The following FCRL2 variants were observed in gnomAD, a reference collection of about 807,000 sequenced individuals.
The protein encoded by FCRL2 is Fc receptor-like protein 2.
In FCRL2, 48 loss-of-function variants were observed where a neutral mutation model predicts 59.8. The observed-to-expected ratio is 0.80, with a 90% CI of 0.64 to 1.02. FCRL2 has a LOEUF of 1.02. FCRL2 is among the 50% of genes least tolerant of loss of function. The probability of loss-of-function intolerance (pLI) is 0.00; values close to 1 mark genes in which losing one functional copy is unlikely to be tolerated. For synonymous variants in FCRL2, 251 were observed against 229.5 expected, an observed-to-expected ratio of 1.09 and a Z score of -0.85; for missense variants, 658 against 597.3, an observed-to-expected ratio of 1.10 and a Z score of -1.06.
rs761365187 is a variant in FCRL2 at position 157,767,344 on chromosome 1, C to T, written c.1049G>A (p.Gly350Glu). 3 of 1,614,232 alleles carry T rather than the reference C, an allele frequency of 1.9e-6. No individual in the cohort carries two copies. Residue 350 changes from glycine to glutamate, a missense_variant, in exon 6 of 12, where the codon GGA (glycine) becomes GAA (glutamate). By Grantham distance (98) the Gly-to-Glu change is moderately conservative. Coordinates refer to ENST00000361516, the MANE Select transcript of FCRL2 (RefSeq NM_030764.4). ...CAAAGAGAGGTTGAAGGAGGCCCCT[C>T]CTCCAGAGGGGGCCGAGCTGTTCCC... ...TLGNSSAPSG[G>E]GASFNLSLTA...
chr1:157,746,436 A>G lies in FCRL2; in HGVS notation c.*300T>C, dbSNP rs1647751829. The G allele has an allele frequency of 1.1e-5, 5 of 468,998 alleles. No individual in the cohort carries two copies. The highest frequency in any genetic ancestry group is 1.9e-5 in the Non-Finnish European group (5 of 259,516). The allele number at this position is 468,998 out of a possible 1,614,324, so 29.1% of individuals were successfully genotyped here. On this transcript the variant is annotated 3_prime_UTR_variant, in exon 12 of 12. Transcript: ENST00000361516. ...TCACTTCACAGTAGATGAAGGTGAG[A>G]CCTTGTATCTCTTATTCATTCTTCC...
Position 157,746,881 on chromosome 1 carries a change from AG to A in FCRL2, c.1477del (p.Leu493TrpfsTer13), listed in dbSNP as rs1557850203. On this transcript the variant is annotated frameshift_variant, in exon 11 of 12. Transcript: ENST00000361516. LOFTEE classifies it high-confidence loss of function. ...PESSANIRTL[L>X]ENKDSQVIYS... ...AGGTGTCTAGCTCACCTTGTTCTCCAGAAGTGTCCTGATGTTTGCTGTTAAG... is the reference window on the plus strand; with the variant it reads ...AGGTGTCTAGCTCACCTTGTTCTCCAAAGTGTCCTGATGTTTGCTGTTAAG... 1 of 1,614,018 alleles carries A rather than the reference AG, an allele frequency of 6.2e-7. No individual in the cohort carries two copies. The highest frequency in any genetic ancestry group is 1.3e-5 in the African/African-American group (1 of 75,062).
At chr1:157,749,453 A>C (rs2101666231) in intron 8 of FCRL2, among the ~76,000 whole-genome samples, 197 bp downstream of exon 8, 1 of 152,318 alleles carries the variant, frequency 6.6e-6, no homozygotes, top group South Asian at 2.1e-4. Flanking sequence ...GATAACACCA[A>C]GGATCATGTG....
intron 5 of FCRL2, chr1:157,767,803 T>A: frequency 1.1e-6 from 1 of 937,604 alleles, no homozygotes; most frequent in Non-Finnish European, 1.5e-6. Flanking sequence ...TTGTATCCTA[T>A]AATTTTTTAT....
chr1:157,758,000 C>T (rs558379396), intron 7 of FCRL2, among the ~76,000 whole-genome samples: 12 of 152,322 alleles, frequency 7.9e-5, no homozygotes, highest in South Asian at 2.1e-4. Context: ...TTAAGCCACC[C>T]AATCTGTGGC....
intron 7 of FCRL2, among the ~76,000 whole-genome samples, chr1:157,757,400 A>G (rs909209631): frequency 6.6e-6 from 1 of 152,198 alleles, no homozygotes; most frequent in Non-Finnish European, 1.5e-5. Context: ...GACGGGTTGA[A>G]GGGTACAGCA....
chr1:157,769,957 C>A lies in FCRL2; in HGVS notation c.504G>T (p.Trp168Cys), dbSNP rs1236245363. The A allele has an allele frequency of 1.9e-6, 3 of 1,614,198 alleles. No homozygotes were observed. The Admixed American group carries it at 5.0e-5, about 27-fold the overall frequency. Residue 168 changes from tryptophan (W) to cysteine (C), a missense_variant, in exon 4 of 12, where the codon TGG (tryptophan) becomes TGT (cysteine). Transcript: ENST00000361516. ...SSPELQISAV[W>C]SEDTGSYWCK... ...ACCAGTAAGACCCTGTGTCTTCACT[C>A]CACACGGCAGAAATCTGGAGCTCCG...
chr1:157,759,243 C>G (rs907583459), intron 7 of FCRL2, among the ~76,000 whole-genome samples: 16 of 152,298 alleles, frequency 1.1e-4, no homozygotes, highest in African/African-American at 3.8e-4. Flanking sequence ...GAGGCCTTCT[C>G]AGTCATGTGG....
At position 157,772,426 on chromosome 1, in the gene FCRL2, T is replaced by A. The variant is rs1395721442; in HGVS notation, c.53-1760A>T. Among the ~76,000 whole-genome samples the A allele has an allele frequency of 3.3e-5, 5 of 152,158 alleles. No individual in the cohort carries two copies. The East Asian group carries it at 9.6e-4, about 29-fold the overall frequency. ...AGGATGGAGAGCAGTGAGGAGTGGATGATCTTGAGTCCATAACAGCAGACC... is the reference window on the plus strand; with the variant it reads ...AGGATGGAGAGCAGTGAGGAGTGGAAGATCTTGAGTCCATAACAGCAGACC... On this transcript the variant is annotated intron_variant, in intron 2 of 11. Coordinates refer to ENST00000361516, the MANE Select transcript of FCRL2 (RefSeq NM_030764.4).
Position 157,769,918 on chromosome 1 carries a change from C to G in FCRL2, c.543G>C (p.Thr181=), listed in dbSNP as rs781164996. The G allele has an allele frequency of 1.2e-5, 20 of 1,614,054 alleles. No individual in the cohort carries two copies. The South Asian group carries it at 1.9e-4, about 15-fold the overall frequency. ...DTGSYWCKAE[T]VTHRIRKQSL... is the part of the protein sequence containing the mutation. ...TCTGTTTTCTGATCCTGTGAGTCAC[C>G]GTTTCTGCCTTGCACCAGTAAGACC... Residue 181 remains threonine, a synonymous_variant, in exon 4 of 12, where the codon ACG becomes ACC. Coordinates refer to ENST00000361516, the MANE Select transcript of FCRL2 (RefSeq NM_030764.4).
chr1:157,769,908 T>C lies in FCRL2; in HGVS notation c.553A>G (p.Arg185Gly), dbSNP rs865806314. ...GATTGGAGGCTCTGTTTTCTGATCCTGTGAGTCACCGTTTCTGCCTTGCAC... is the reference window on the plus strand; with the variant it reads ...GATTGGAGGCTCTGTTTTCTGATCCCGTGAGTCACCGTTTCTGCCTTGCAC... ...YWCKAETVTH[R>G]IRKQSLQSQI... Residue 185 changes from arginine to glycine, a missense_variant, in exon 4 of 12, where the codon AGG (arginine) becomes GGG (glycine). Transcript: ENST00000361516. The C allele has an allele frequency of 6.2e-7, 1 of 1,614,224 alleles. No individual in the cohort carries two copies. Among genetic ancestry groups the C allele is most frequent in the African/African-American group, 1.3e-5 (1 of 75,064 alleles).
rs199538633 is a variant in FCRL2, at chr1:157,768,332, T to C, written c.883+82A>G. On this transcript the variant is annotated intron_variant, in intron 5 of 11. Transcript: ENST00000361516. ...CTCCACAGCACTAATCCCTGGGGCC[T>C]CCTGAAATTTCCTCAGGACACATGT... The C allele has an allele frequency of 4.4e-5, 64 of 1,443,186 alleles. No individual in the cohort carries two copies. In the East Asian group the frequency reaches 1.4e-3, roughly 31 times the overall value. 89.4% of individuals were successfully genotyped at this position (1,443,186 alleles called of 1,614,324 possible).
intron 2 of FCRL2, among the ~76,000 whole-genome samples, chr1:157,772,482 T>G (rs917871122): frequency 6.6e-6 from 1 of 152,150 alleles, no homozygotes; most frequent in African/African-American, 2.4e-5. Context: ...TGAGCCGGCT[T>G]GCAGCTCTGA....
chr1:157,759,523 A>G (rs1355238128), intron 7 of FCRL2, among the ~76,000 whole-genome samples: 1 of 152,218 alleles, frequency 6.6e-6, no homozygotes, highest in East Asian at 1.9e-4. Context: ...ATAGAATGGA[A>G]GAAGATATTT....
At chr1:157,753,325 C>T (rs1648338009) in intron 7 of FCRL2, among the ~76,000 whole-genome samples, 1 of 152,102 alleles carries the variant, frequency 6.6e-6, no homozygotes, top group African/African-American at 2.4e-5. Context: ...TGTCATGGGC[C>T]TCATATCTTT....
chr1:157,754,465 C>A (rs1648435328), intron 7 of FCRL2, among the ~76,000 whole-genome samples: 1 of 152,116 alleles, frequency 6.6e-6, no homozygotes, highest in Non-Finnish European at 1.5e-5. Flanking sequence ...CAACAAGGAA[C>A]CCTTGGGGCT....
chr1:157,770,576 T>C lies in FCRL2; in HGVS notation c.143A>G (p.Lys48Arg). Residue 48 changes from lysine (K) to arginine (R), a missense_variant, in exon 3 of 12, where the codon AAG becomes AGG. By Grantham distance (26) the Lys-to-Arg change is conservative. Transcript: ENST00000361516. ...CQGEQNWKIQKMAYHKDNKEL... is the reference protein window; with the variant it reads ...CQGEQNWKIQRMAYHKDNKEL... The stretch of plus-strand genomic sequence containing the variant: ...TTTGTTATCCTTATGGTAAGCCATC[T>C]TCTGAATTTTCCAGTTCTGTTCTCC... The C allele has an allele frequency of 6.2e-7, 1 of 1,614,248 alleles. No individual in the cohort carries two copies. Among genetic ancestry groups the C allele is most frequent in the South Asian group, 1.1e-5 (1 of 91,090 alleles).
At chr1:157,749,595 A>G in intron 8 of FCRL2, 55 bp downstream of exon 8, 2 of 1,339,758 alleles carry the variant, frequency 1.5e-6, no homozygotes, top group Non-Finnish European at 2.1e-6. Flanking sequence ...TAGGTATTTA[A>G]AACTGAATGA....
At chr1:157,749,060 A>G (rs1186530644) in intron 8 of FCRL2, 100 bp from the exon 9 acceptor site, 2 of 982,180 alleles carry the variant, frequency 2.0e-6, no homozygotes, top group Non-Finnish European at 3.2e-6. Context: ...CCCTGCAGCC[A>G]TGGCTCTCTG....
Sources: allele counts gnomAD v4.1 joint callset (sites outside exome capture counted in the v4.1 genomes callset), GRCh38; gene constraint gnomAD v4.1.1; transcripts MANE v1.5; gene names NCBI Gene and HGNC (gene_info 2026-07-23, HGNC 2026-07-21).